Variants in AGMO observed in about 807,000 individuals in gnomAD.
The protein encoded by AGMO is alkylglycerol monooxygenase.
In AGMO, 75 loss-of-function variants were observed where a neutral mutation model predicts 60.2. The ratio of observed to expected loss-of-function variants is 1.25; its 90% CI spans 1.03 to 1.51. AGMO has a LOEUF of 1.51. Among genes scored for constraint, AGMO ranks in the 40% most tolerant of loss-of-function variants. The pLI is 0.00. For synonymous variants in AGMO, 261 were observed against 177.1 expected, an observed-to-expected ratio of 1.47 and a Z score of -3.76; for missense variants, 763 against 525.5, an observed-to-expected ratio of 1.45 and a Z score of -4.42.
chr7:15,304,702 C>T (rs917408861), intron 12 of AGMO, among the ~76,000 whole-genome samples: 4 of 151,878 alleles, frequency 2.6e-5, no homozygotes, highest in East Asian at 1.9e-4. Flanking sequence ...TCAAATAAAC[C>T]GACATATTTA....
At chr7:15,225,835 T>A (rs73056447) in intron 12 of AGMO, among the ~76,000 whole-genome samples, 17,009 of 152,046 alleles carry the variant, frequency 0.11, 1,054 homozygotes, top group African/African-American at 0.14. Flanking sequence ...AGTTGATTAA[T>A]CTGATAGATT....
At chr7:15,327,672 T>C (rs1781381630) in intron 12 of AGMO, among the ~76,000 whole-genome samples, 1 of 151,474 alleles carries the variant, frequency 6.6e-6, no homozygotes, top group Admixed American at 6.6e-5. Context: ...GTTGAGGGTA[T>C]ATGTAATTAA....
intron 3 of AGMO, among the ~76,000 whole-genome samples, chr7:15,452,124 CTA>C (rs145938144): frequency 0.017 from 2,554 of 152,058 alleles, 78 homozygotes; most frequent in African/African-American, 0.058. Flanking sequence ...AGAGATAAAA[CTA>C]TATAACTCTT....
At chr7:15,333,498 G>C (rs1240811704) in intron 12 of AGMO, among the ~76,000 whole-genome samples, 1 of 150,840 alleles carries the variant, frequency 6.6e-6, no homozygotes, top group Non-Finnish European at 1.5e-5. Context: ...TTGGTAGTAA[G>C]TTTCACTGTG....
intron 10 of AGMO, among the ~76,000 whole-genome samples, chr7:15,384,056 C>A (rs1783810886): frequency 6.6e-6 from 1 of 152,104 alleles, no homozygotes; most frequent in African/African-American, 2.4e-5. Flanking sequence ...CTGCCTCAGC[C>A]TCCTGAATAG....
chr7:15,385,814 A>C (rs905729830), intron 9 of AGMO, among the ~76,000 whole-genome samples: 3 of 152,218 alleles, frequency 2.0e-5, no homozygotes, highest in Admixed American at 6.5e-5. Context: ...AAAGAGAGCC[A>C]AAATGCATGG....
chr7:15,189,859 T>G, the AGMO span, among the ~76,000 whole-genome samples: 1 of 151,218 alleles, frequency 6.6e-6, no homozygotes, highest in African/African-American at 2.4e-5. Context: ...AACAAGAATT[T>G]TTTATACTAG....
intron 10 of AGMO, among the ~76,000 whole-genome samples, chr7:15,368,994 T>A (rs1464256073): frequency 6.6e-6 from 1 of 152,098 alleles, no homozygotes; most frequent in African/African-American, 2.4e-5. Flanking sequence ...CAACATATAT[T>A]CACTAGTTTT....
At chr7:15,419,448 A>C (rs1333788534) in intron 4 of AGMO, among the ~76,000 whole-genome samples, 1 of 151,968 alleles carries the variant, frequency 6.6e-6, no homozygotes, top group Non-Finnish European at 1.5e-5. Flanking sequence ...TCTGACTTTC[A>C]CTTTACATTT....
intron 12 of AGMO, among the ~76,000 whole-genome samples, chr7:15,307,964 A>G (rs1444591352): frequency 6.6e-6 from 1 of 151,924 alleles, no homozygotes; most frequent in Non-Finnish European, 1.5e-5. Context: ...CCTAACGCCT[A>G]ATGGTTTGAC....
At chr7:15,332,086 C>T (rs1781513182) in intron 12 of AGMO, among the ~76,000 whole-genome samples, 1 of 152,044 alleles carries the variant, frequency 6.6e-6, no homozygotes, top group Non-Finnish European at 1.5e-5. Context: ...AGCCTAGGTA[C>T]CTAACAGACC....
chr7:15,197,145 A>G (rs941931803), downstream of AGMO, among the ~76,000 whole-genome samples: 8 of 152,058 alleles, frequency 5.3e-5, no homozygotes, highest in African/African-American at 1.9e-4. Flanking sequence ...ATGTTTTAAG[A>G]TTCTGAAAGT....
intron 12 of AGMO, among the ~76,000 whole-genome samples, chr7:15,233,154 A>C (rs1389915239): frequency 6.6e-6 from 1 of 152,188 alleles, no homozygotes; most frequent in Non-Finnish European, 1.5e-5. Flanking sequence ...AGGGAAGGAG[A>C]AAGGGAATTA....
intron 3 of AGMO, among the ~76,000 whole-genome samples, chr7:15,527,151 G>A (rs755173674): frequency 7.2e-5 from 11 of 152,044 alleles, no homozygotes; most frequent in Non-Finnish European, 1.5e-4. Flanking sequence ...TAAATTAAAA[G>A]CTAGAAATGA....
In AGMO at chr7:15,516,241, A is replaced by C. The variant is rs185006738; in HGVS notation, c.409+28531T>G. 3.9e-3 allele frequency among the ~76,000 whole-genome samples: 584 copies of C among 151,662 alleles called. 2 individuals are homozygous for C. Among genetic ancestry groups the C allele is most frequent in the Non-Finnish European group, 4.6e-3 (312 of 67,854 alleles). On this transcript the variant is annotated intron_variant, in intron 3 of 12. Transcript: ENST00000342526. ...GATTGCTCATACTTAAAAAAGGAAG[A>C]GAGAGAGAGAGAAGGAGAAGATGGT...
intron 12 of AGMO, among the ~76,000 whole-genome samples, chr7:15,251,633 A>G (rs948669805): frequency 2.6e-5 from 4 of 152,192 alleles, no homozygotes; most frequent in African/African-American, 9.7e-5. Flanking sequence ...ATTTAGATTC[A>G]ATGGACTGCC....
chr7:15,417,200 G>T (rs1408750958), intron 5 of AGMO, among the ~76,000 whole-genome samples: 1 of 152,134 alleles, frequency 6.6e-6, no homozygotes, highest in Non-Finnish European at 1.5e-5. Context: ...AAAGCATAAA[G>T]TGTAACACAA....
chr7:15,534,156 C>T (rs2128543784), intron 3 of AGMO, among the ~76,000 whole-genome samples: 1 of 151,920 alleles, frequency 6.6e-6, no homozygotes, highest in South Asian at 2.1e-4. Flanking sequence ...CAATTTTTTT[C>T]AAGTCATTTC....
rs1325086864 is a variant in AGMO, at chr7:15,233,789, C to A, written c.1264-32430G>T. ...ATATTAGGCCAGGTGCAGTGGCTCA[C>A]ACCTGTAATCCCAGCATTTTGGGAG... On this transcript the variant is annotated intron_variant, in intron 12 of 12. Coordinates refer to ENST00000342526, the MANE Select transcript of AGMO (RefSeq NM_001004320.2). Among the ~76,000 whole-genome samples, 3 of 152,138 alleles carry A rather than the reference C, an allele frequency of 2.0e-5. No individual in the cohort carries two copies. In the South Asian group the frequency reaches 6.2e-4, roughly 31 times the overall value.
Sources: gnomAD v4.1 joint callset for allele counts (sites outside exome capture counted in the v4.1 genomes callset) on GRCh38, gnomAD v4.1.1 for gene constraint, MANE v1.5 for transcripts, NCBI Gene and HGNC (gene_info 2026-07-23, HGNC 2026-07-21) for gene names.